GNA12: variants seen among roughly 807,000 people sequenced by gnomAD.
GNA12 encodes guanine nucleotide-binding protein subunit alpha-12.
GNA12 carries 9 observed loss-of-function variants against 26.0 expected under a neutral mutation model. The observed-to-expected ratio is 0.35, with a 90% CI of 0.21 to 0.60. GNA12 has a LOEUF of 0.60. Among genes scored for constraint, GNA12 ranks in the 20% least tolerant of loss-of-function variants. The probability of loss-of-function intolerance (pLI) is 0.78; values close to 1 mark genes in which losing one functional copy is unlikely to be tolerated. For synonymous variants in GNA12, 264 were observed against 219.6 expected (o/e 1.20, Z -1.79); for missense variants, 405 against 525.8 (o/e 0.77, Z 2.25).
In GNA12 at chr7:2,799,682, T is replaced by G. The variant is rs139727564; in HGVS notation, c.310-4539A>C. Among the ~76,000 whole-genome samples, 513 of 152,064 alleles carry G rather than the reference T, an allele frequency of 3.4e-3. 3 individuals carry two copies. Among genetic ancestry groups the G allele is most frequent in the Admixed American group, 5.4e-3 (82 of 15,284 alleles). On this transcript the variant is annotated intron_variant, in intron 1 of 3. Transcript: ENST00000275364. The stretch of plus-strand genomic sequence containing the variant: ...AATGAAATGAAGAGAAAAAAAAAAT[T>G]TTTTAAAGAAAATGGGCAAGACATG...
intron 2 of GNA12, among the ~76,000 whole-genome samples, chr7:2,788,565 G>T (rs1421649858): frequency 2.0e-5 from 3 of 152,226 alleles, no homozygotes; most frequent in Non-Finnish European, 4.4e-5. Flanking sequence ...ACAATAAGTA[G>T]TTCCACTTAT....
At chr7:2,768,633 A>C (rs1466987491) in intron 2 of GNA12, among the ~76,000 whole-genome samples, 1 of 151,896 alleles carries the variant, frequency 6.6e-6, no homozygotes, top group East Asian at 1.9e-4. Context: ...ATTCAGTTAT[A>C]AAATTAGGTA....
intron 1 of GNA12, among the ~76,000 whole-genome samples, chr7:2,799,567 G>C (rs1047347872): frequency 2.6e-5 from 4 of 152,074 alleles, no homozygotes; most frequent in African/African-American, 9.7e-5. Flanking sequence ...GGGTGACAGA[G>C]CAAGATCCTG....
intron 2 of GNA12, among the ~76,000 whole-genome samples, chr7:2,791,491 T>C (rs1257364155): frequency 1.3e-5 from 2 of 152,156 alleles, no homozygotes; most frequent in Non-Finnish European, 2.9e-5. Context: ...TTTCCTCCTC[T>C]TTTTGTTTCT....
chr7:2,819,150 G>C (rs1319217144), intron 1 of GNA12, among the ~76,000 whole-genome samples: 2 of 152,164 alleles, frequency 1.3e-5, no homozygotes, highest in Non-Finnish European at 2.9e-5. Context: ...TGCTGGTTCT[G>C]AGTTGCAGGG....
intron 1 of GNA12, among the ~76,000 whole-genome samples, chr7:2,823,443 G>A (rs1483871975): frequency 1.3e-5 from 2 of 152,074 alleles, no homozygotes; most frequent in Non-Finnish European, 2.9e-5. Flanking sequence ...AGGAACAGAG[G>A]GCATAAGGAA....
chr7:2,753,382 C>G (rs1278742203), intron 2 of GNA12, among the ~76,000 whole-genome samples: 1 of 151,972 alleles, frequency 6.6e-6, no homozygotes, highest in Non-Finnish European at 1.5e-5. Context: ...AACTACTGGG[C>G]TCAAGCCATC....
intron 2 of GNA12, among the ~76,000 whole-genome samples, chr7:2,744,952 GAA>G (rs1435458746): frequency 1.3e-5 from 2 of 152,206 alleles, no homozygotes; most frequent in African/African-American, 4.8e-5. Context: ...AATGAAGTGA[GAA>G]GAGAAGCTTA....
chr7:2,759,163 A>AT lies in GNA12; in HGVS notation c.526-25663dup, dbSNP rs1791440539. On this transcript the variant is annotated intron_variant, in intron 2 of 3. Transcript: ENST00000275364. ...TCAAAATAAATAAATAAATAAATAA[A>AT]TAAATAAATAAATAAATAAATAAAT... Among the ~76,000 whole-genome samples, 3 of 149,844 alleles carry AT rather than the reference A, an allele frequency of 2.0e-5. No homozygotes were observed. In the South Asian group the frequency reaches 6.3e-4, roughly 31 times the overall value.
intron 2 of GNA12, among the ~76,000 whole-genome samples, chr7:2,746,501 T>G (rs1184807600): frequency 2.0e-5 from 3 of 152,020 alleles, no homozygotes; most frequent in Non-Finnish European, 2.9e-5. Context: ...CCAGAATCTC[T>G]GGGACACATT....
At chr7:2,825,945 C>T (rs74489708) in intron 1 of GNA12, among the ~76,000 whole-genome samples, 1,562 of 152,194 alleles carry the variant, frequency 0.01, 21 homozygotes, top group African/African-American at 0.036. Context: ...TACTGAGATG[C>T]CATTCCTCAC....
intron 1 of GNA12, among the ~76,000 whole-genome samples, chr7:2,834,798 C>A (rs1273464490): frequency 6.6e-6 from 1 of 152,112 alleles, no homozygotes; most frequent in Non-Finnish European, 1.5e-5. Flanking sequence ...TAGTAACATG[C>A]GGTACAGGTT....
Position 2,783,634 on chromosome 7 carries a change from T to C in GNA12, c.525+11294A>G, listed in dbSNP as rs115334547. 9.9e-3 allele frequency among the ~76,000 whole-genome samples: 1,469 copies of C among 148,116 alleles called. 18 individuals are homozygous for C. The highest frequency in any genetic ancestry group is 0.034 in the African/African-American group (1,374 of 40,416). Reference sequence around the variant, plus strand: ...TGGTGCTTTACAATCCTGTCAGTGCTTAGAGGCTGTAACACATTTATTTAT... The same window carrying C: ...TGGTGCTTTACAATCCTGTCAGTGCCTAGAGGCTGTAACACATTTATTTAT... On this transcript the variant is annotated intron_variant, in intron 2 of 3. Coordinates refer to ENST00000275364, the MANE Select transcript of GNA12 (RefSeq NM_007353.3).
intron 2 of GNA12, among the ~76,000 whole-genome samples, chr7:2,742,210 C>A (rs75337540): frequency 6.6e-6 from 1 of 151,936 alleles, no homozygotes; most frequent in African/African-American, 2.4e-5. Context: ...TTACTACAGA[C>A]AGGGTTTTGC....
intron 1 of GNA12, among the ~76,000 whole-genome samples, chr7:2,795,556 A>G (rs915745322): frequency 1.3e-5 from 2 of 150,902 alleles, no homozygotes; most frequent in South Asian, 2.1e-4. Context: ...TGAGCCCAGG[A>G]GGTCAAGGCT....
chr7:2,731,857 C>A lies in GNA12; in HGVS notation c.577-107G>T. ...TAAGAAGGAAAGAGACTGACTTTTG[C>A]AACAGGTTGAACCAGAAACCAAAAG... On this transcript the variant is annotated intron_variant, in intron 3 of 3. Transcript: ENST00000275364. The surrounding 1 kb of genome is among the most constrained non-coding windows in gnomAD (Gnocchi z 6.0). The A allele has an allele frequency of 1.7e-6, 1 of 604,416 alleles. No homozygotes were observed. Among genetic ancestry groups the A allele is most frequent in the South Asian group, 3.3e-5 (1 of 30,680 alleles). 37.4% of individuals were successfully genotyped at this position (604,416 alleles called of 1,614,324 possible). A position where few individuals can be genotyped will look rare whatever the true frequency, so the allele number is the denominator to read the frequency against.
At chr7:2,764,010 T>C (rs953336794) in intron 2 of GNA12, among the ~76,000 whole-genome samples, 2 of 152,234 alleles carry the variant, frequency 1.3e-5, no homozygotes, top group Non-Finnish European at 2.9e-5. Flanking sequence ...GAGGCTTGCC[T>C]ATACTTTCTA....
At chr7:2,764,120 G>A (rs1359308108) in intron 2 of GNA12, among the ~76,000 whole-genome samples, 1 of 152,100 alleles carries the variant, frequency 6.6e-6, no homozygotes, top group Non-Finnish European at 1.5e-5. Flanking sequence ...GCCCAGGTTA[G>A]GGGGCCGTGG....
chr7:2,762,067 T>G (rs148190911), intron 2 of GNA12: 14 of 152,612 alleles, frequency 9.2e-5, no homozygotes, highest in African/African-American at 3.4e-4. Flanking sequence ...CCTTCATTAC[T>G]GTCCCTACCT....
Sources: gnomAD v4.1 joint callset for allele counts (sites outside exome capture counted in the v4.1 genomes callset) on GRCh38, gnomAD v4.1.1 for gene constraint, Gnocchi (gnomAD v3.1) non-coding constraint, MANE v1.5 for transcripts, NCBI Gene and HGNC (gene_info 2026-07-23, HGNC 2026-07-21) for gene names.